PCDHA3: variants seen among roughly 807,000 people sequenced by gnomAD.
PCDHA3 encodes the protein protocadherin alpha-3.
Under a neutral mutation model 62.2 loss-of-function variants are expected in PCDHA3, and 41 were observed. The ratio of observed to expected loss-of-function variants is 0.66; its 90% confidence interval spans 0.51 to 0.86. The LOEUF (loss-of-function observed/expected upper bound fraction) is 0.86. Ranked by LOEUF, PCDHA3 falls within the 40% of genes least tolerant of loss-of-function variation. PCDHA3 has a pLI of 0.00. For synonymous variants in PCDHA3, 640 were observed against 555.4 expected, an observed-to-expected ratio of 1.15 and a Z score of -2.14; for missense variants, 1,304 against 1,241.2, an observed-to-expected ratio of 1.05 and a Z score of -0.76.
chr5:141,010,063 G>C lies in PCDHA3; in HGVS notation c.*126G>C, dbSNP rs1393265789. ...CTCTTAGAGACCTCAGAAATCTGCA[G>C]AAAGTTCCCTGTGTCTGTCTAGAAC... On this transcript the variant is annotated 3_prime_UTR_variant, in exon 4 of 4. Transcript: ENST00000522353. 31 of 1,602,790 alleles carry C rather than the reference G, an allele frequency of 1.9e-5. No individual in the cohort carries two copies. The highest frequency in any genetic ancestry group is 2.6e-5 in the Non-Finnish European group (31 of 1,174,498).
At chr5:140,919,498 C>A (rs1433099544) in intron 1 of PCDHA3, among the ~76,000 whole-genome samples, 1 of 152,022 alleles carries the variant, frequency 6.6e-6, no homozygotes, top group Non-Finnish European at 1.5e-5. Context: ...TTATTTTACT[C>A]CTTTTTCTAT....
chr5:140,886,886 T>C (rs1554182794), intron 1 of PCDHA3, among the ~76,000 whole-genome samples: 1 of 151,610 alleles, frequency 6.6e-6, no homozygotes, highest in African/African-American at 2.4e-5. Flanking sequence ...CATTCATTAA[T>C]TAAATGCATT....
chr5:140,829,044 T>A, intron 1 of PCDHA3: 13 of 1,613,140 alleles, frequency 8.1e-6, no homozygotes, highest in Non-Finnish European at 1.1e-5. Context: ...TTATACAAAA[T>A]CCTCATTGAC....
At chr5:140,989,171 G>A (rs2097331816) in intron 3 of PCDHA3, among the ~76,000 whole-genome samples, 1 of 152,116 alleles carries the variant, frequency 6.6e-6, no homozygotes, top group African/African-American at 2.4e-5. Flanking sequence ...GCATAAAACA[G>A]GAGAGTTTCT....
chr5:140,822,245 C>A, intron 1 of PCDHA3: 2 of 1,614,182 alleles, frequency 1.2e-6, no homozygotes, highest in Non-Finnish European at 1.7e-6. Context: ...GAGGGCGCGT[C>A]GGATTTGGAT....
chr5:140,921,809 C>T (rs886599958), intron 1 of PCDHA3, among the ~76,000 whole-genome samples: 2 of 151,940 alleles, frequency 1.3e-5, no homozygotes, highest in African/African-American at 4.8e-5. Context: ...AGATAAGATA[C>T]ATGTGTGAAT....
intron 1 of PCDHA3, among the ~76,000 whole-genome samples, chr5:140,918,402 T>C (rs906018367): frequency 1.3e-5 from 2 of 152,212 alleles, no homozygotes; most frequent in African/African-American, 4.8e-5. Flanking sequence ...GCCTGATTTC[T>C]CTGGCCAGGA....
At chr5:140,833,939 G>A (rs1772729050) in intron 1 of PCDHA3, among the ~76,000 whole-genome samples, 1 of 151,992 alleles carries the variant, frequency 6.6e-6, no homozygotes, top group African/African-American at 2.4e-5. Context: ...TGTCACTTAG[G>A]TTTCTATCTT....
At chr5:140,947,854 A>G (rs2094183959) in intron 1 of PCDHA3, among the ~76,000 whole-genome samples, 1 of 151,504 alleles carries the variant, frequency 6.6e-6, no homozygotes, top group Non-Finnish European at 1.5e-5. Context: ...TTATTTTGTC[A>G]TTATAATGGC....
rs376462906 is a variant in PCDHA3, at chr5:140,873,767, TCTC to T, written c.2394+70179_2394+70181del. Among the ~76,000 whole-genome samples, 393 of 152,280 alleles carry T rather than the reference TCTC, an allele frequency of 2.6e-3. 1 individual carries two copies. The highest frequency in any genetic ancestry group is 9.2e-3 in the African/African-American group (382 of 41,558). On this transcript the variant is annotated intron_variant, in intron 1 of 3. Transcript: ENST00000522353. ...TCTCCACCTCCCATGTTCAAGCAAT[TCTC>T]CTGCCTCAGCTTTCCGAGAAGCTGG...
intron 1 of PCDHA3, among the ~76,000 whole-genome samples, chr5:140,879,278 T>C (rs2057927174): frequency 6.6e-6 from 1 of 152,180 alleles, no homozygotes; most frequent in Non-Finnish European, 1.5e-5. Flanking sequence ...ACAGACTCAA[T>C]ACAAATGATA....
At chr5:140,856,541 G>GCATT in intron 1 of PCDHA3, 4 of 1,598,164 alleles carry the variant, frequency 2.5e-6, no homozygotes, top group Non-Finnish European at 3.4e-6. Flanking sequence ...TGGAGAGAAC[G>GCATT]CATTGCTTAC....
intron 1 of PCDHA3, among the ~76,000 whole-genome samples, chr5:140,941,255 C>CTTTCTTTCTTTCTT (rs782490896): frequency 4.1e-3 from 183 of 44,496 alleles, no homozygotes; most frequent in African/African-American, 4.7e-3. Context: ...TTCTTTCTTT[C>CTTTCTTTCTTTCTT]TCTTTCTTTC....
At chr5:140,870,318 G>C in intron 1 of PCDHA3, 1 of 1,614,178 alleles carries the variant, frequency 6.2e-7, no homozygotes, top group Non-Finnish European at 8.5e-7. Flanking sequence ...ATTACTACTC[G>C]TTGGTGCTGG....
At chr5:140,908,226 T>A (rs1488573035) in intron 1 of PCDHA3, among the ~76,000 whole-genome samples, 1 of 152,140 alleles carries the variant, frequency 6.6e-6, no homozygotes, top group Non-Finnish European at 1.5e-5. Flanking sequence ...GAACCAGTCC[T>A]TAGTCTTCTC....
chr5:140,858,335 C>T, intron 1 of PCDHA3: 1 of 1,595,924 alleles, frequency 6.3e-7, no homozygotes, highest in Non-Finnish European at 8.6e-7. Flanking sequence ...GGAGGGCCTG[C>T]CCAAGGCGGA....
chr5:140,836,479 A>T (rs2150261822), intron 1 of PCDHA3: 2 of 1,613,682 alleles, frequency 1.2e-6, no homozygotes, highest in South Asian at 2.2e-5. Flanking sequence ...GTCAACGTGT[A>T]CCTGATCATC....
At chr5:140,855,607 T>C (rs1157385251) in intron 1 of PCDHA3, among the ~76,000 whole-genome samples, 2 of 149,722 alleles carry the variant, frequency 1.3e-5, no homozygotes, top group African/African-American at 4.9e-5. Context: ...AGTATGCAAA[T>C]ATTAAGGGCA....
At chr5:140,931,853 G>A (rs2087796602) in intron 1 of PCDHA3, among the ~76,000 whole-genome samples, 1 of 151,744 alleles carries the variant, frequency 6.6e-6, no homozygotes, top group African/African-American at 2.4e-5. Context: ...ATAACAACAG[G>A]ATTCTAGAAA....
Sources: gnomAD v4.1 joint callset for allele counts (sites outside exome capture counted in the v4.1 genomes callset) on GRCh38, gnomAD v4.1.1 for gene constraint, MANE v1.5 for transcripts, NCBI Gene and HGNC (gene_info 2026-07-23, HGNC 2026-07-21) for gene names.